Variants in P4HA1 observed in about 807,000 individuals in gnomAD.
P4HA1 encodes the protein prolyl 4-hydroxylase subunit alpha 1.
P4HA1 carries 24 observed loss-of-function variants against 72.8 expected under a neutral mutation model. The observed-to-expected ratio is 0.33, with a 90% CI of 0.24 to 0.46. The LOEUF is 0.46. Among genes scored for constraint, P4HA1 ranks in the 20% least tolerant of loss-of-function variants. P4HA1 has a pLI of 1.00. For missense variants in P4HA1, 446 were observed against 640.6 expected (o/e 0.70, Z 3.28); for synonymous variants, 201 against 218.8 (o/e 0.92, Z 0.72).
intron 9 of P4HA1, among the ~76,000 whole-genome samples, chr10:73,043,343 A>G (rs1840780891): frequency 6.6e-6 from 1 of 152,210 alleles, no homozygotes; most frequent in Non-Finnish European, 1.5e-5. Flanking sequence ...TAGATGGAAA[A>G]GGAGTTCTAT....
intron 7 of P4HA1, 98 bp from the exon 8 acceptor site, chr10:73,047,199 TAC>T: frequency 2.3e-6 from 2 of 878,866 alleles, no homozygotes; most frequent in Non-Finnish European, 3.6e-6. Flanking sequence ...TGCTTGCATA[TAC>T]AGAGTATCTC....
intron 1 of P4HA1, among the ~76,000 whole-genome samples, chr10:73,093,850 A>ATT (rs769648559): frequency 1.1e-4 from 6 of 53,058 alleles, no homozygotes; most frequent in African/African-American, 3.9e-4. Context: ...CTCAAAAAAA[A>ATT]AAAAAAAAAA....
At chr10:73,036,187 CAAA>C (rs35435004) in intron 9 of P4HA1, among the ~76,000 whole-genome samples, 2 of 84,160 alleles carry the variant, frequency 2.4e-5, no homozygotes, top group Non-Finnish European at 5.5e-5. Flanking sequence ...AACTCCGTCT[CAAA>C]AAAAAAAAAA....
intron 1 of P4HA1, among the ~76,000 whole-genome samples, chr10:73,083,802 A>G (rs1174551979): frequency 6.6e-6 from 1 of 152,218 alleles, no homozygotes; most frequent in Non-Finnish European, 1.5e-5. Context: ...AAAAAAGAAT[A>G]TATTTGCCTA....
chr10:73,081,609 G>A (rs778864087), intron 1 of P4HA1, among the ~76,000 whole-genome samples: 5 of 152,080 alleles, frequency 3.3e-5, no homozygotes, highest in Non-Finnish European at 5.9e-5. Context: ...GACTCAACAG[G>A]TCAATCAAAC....
chr10:73,083,825 G>GT (rs1377181811), intron 1 of P4HA1, among the ~76,000 whole-genome samples: 21 of 152,178 alleles, frequency 1.4e-4, no homozygotes, highest in African/African-American at 5.1e-4. Flanking sequence ...TATGTAACAG[G>GT]TTTTTTAAAT....
At chr10:73,078,459 C>T (rs1409280851) in intron 1 of P4HA1, among the ~76,000 whole-genome samples, 1 of 151,848 alleles carries the variant, frequency 6.6e-6, no homozygotes, top group African/African-American at 2.4e-5. Flanking sequence ...TTTTCATTAC[C>T]CCAACACAAA....
chr10:73,015,832 C>T (rs1839997876), intron 11 of P4HA1, among the ~76,000 whole-genome samples: 1 of 150,776 alleles, frequency 6.6e-6, no homozygotes, highest in African/African-American at 2.4e-5. Context: ...CTTGCCAATG[C>T]ATTTAAAGTA....
At chr10:73,065,055 G>A (rs1254283888) in intron 5 of P4HA1, 2 of 152,178 alleles carry the variant, frequency 1.3e-5, no homozygotes, top group African/African-American at 4.8e-5. Flanking sequence ...ACTGATAGCT[G>A]AGTGAGCTCC....
chr10:73,038,801 T>C (rs1840663988), intron 9 of P4HA1, among the ~76,000 whole-genome samples: 1 of 137,780 alleles, frequency 7.3e-6, no homozygotes, highest in Non-Finnish European at 1.5e-5. Flanking sequence ...TAATTTTTTG[T>C]ATTTTTAGTA....
At chr10:73,061,353 T>C (rs1841308752) in intron 5 of P4HA1, among the ~76,000 whole-genome samples, 2 of 151,996 alleles carry the variant, frequency 1.3e-5, no homozygotes, top group Non-Finnish European at 2.9e-5. Context: ...ACCACCAAAG[T>C]AGTCAACTCC....
At chr10:73,016,420 TC>T (rs961758289) in intron 11 of P4HA1, among the ~76,000 whole-genome samples, 1 of 152,098 alleles carries the variant, frequency 6.6e-6, no homozygotes, top group African/African-American at 2.4e-5. Context: ...ATCGCAATGG[TC>T]CCCCCTTGAA....
intron 1 of P4HA1, among the ~76,000 whole-genome samples, chr10:73,087,812 A>AT (rs1841954610): frequency 6.6e-6 from 1 of 151,712 alleles, no homozygotes; most frequent in South Asian, 2.1e-4. Context: ...TATACAGTCT[A>AT]TTTTTTGTCA....
chr10:73,062,563 T>G (rs1396249590), intron 5 of P4HA1, among the ~76,000 whole-genome samples: 3 of 152,076 alleles, frequency 2.0e-5, no homozygotes, highest in African/African-American at 7.2e-5. Flanking sequence ...ATAAAACACA[T>G]AAAACTGTAT....
chr10:73,025,376 T>C (rs1840241685), intron 10 of P4HA1, among the ~76,000 whole-genome samples: 2 of 152,166 alleles, frequency 1.3e-5, no homozygotes. Flanking sequence ...CACATGATTA[T>C]CTCAATAGAT....
At chr10:73,024,347 A>C (rs1840212612) in intron 10 of P4HA1, among the ~76,000 whole-genome samples, 1 of 152,232 alleles carries the variant, frequency 6.6e-6, no homozygotes, top group Non-Finnish European at 1.5e-5. Context: ...CTCACTCAAA[A>C]CCACACAACT....
rs1377620661 is a variant in P4HA1 at position 73,014,221 on chromosome 10, T to C, written c.1368+3A>G. On this transcript the variant is annotated splice_donor_region_variant and intron_variant, in intron 12 of 14. Transcript: ENST00000394890. ...TAATCTAAAAATTTTAGTGACGACT[T>C]ACATAAAACAGCCATGTAGCAATTC... The C allele has an allele frequency of 1.9e-6, 3 of 1,601,566 alleles. No individual in the cohort carries two copies. Among genetic ancestry groups the C allele is most frequent in the East Asian group, 2.2e-5 (1 of 44,802 alleles).
chr10:73,036,048 T>C (rs1840564778), intron 9 of P4HA1, among the ~76,000 whole-genome samples: 1 of 151,724 alleles, frequency 6.6e-6, no homozygotes, highest in Non-Finnish European at 1.5e-5. Context: ...ATTAGCCAGG[T>C]GTGAAGGTGC....
intron 1 of P4HA1, among the ~76,000 whole-genome samples, chr10:73,089,729 C>T (rs1384090148): frequency 2.2e-5 from 3 of 136,128 alleles, no homozygotes; most frequent in Admixed American, 2.1e-4. Context: ...AAAAAAAAAG[C>T]GTATATACAA....
Sources: gnomAD v4.1 joint callset for allele counts (sites outside exome capture counted in the v4.1 genomes callset) on GRCh38, gnomAD v4.1.1 for gene constraint, MANE v1.5 for transcripts, NCBI Gene and HGNC (gene_info 2026-07-23, HGNC 2026-07-21) for gene names.